The following NALCN variants were observed in gnomAD, a reference collection of about 807,000 sequenced individuals.
NALCN encodes the protein sodium leak channel NALCN.
In NALCN, 111 loss-of-function variants were observed where a neutral mutation model predicts 225.3. The observed-to-expected ratio is 0.49, with a 90% CI of 0.42 to 0.58. NALCN has a LOEUF of 0.58. NALCN is among the 20% of genes least tolerant of loss of function. The probability of loss-of-function intolerance (pLI) is 0.00; values close to 1 mark genes in which losing one functional copy is unlikely to be tolerated. For synonymous variants in NALCN, 764 were observed against 769.0 expected, an observed-to-expected ratio of 0.99 and a Z score of 0.11; for missense variants, 1,378 against 2,202.4, an observed-to-expected ratio of 0.63 and a Z score of 7.49.
At chr13:101,241,617 A>G (rs1390885012) in intron 11 of NALCN, among the ~76,000 whole-genome samples, 1 of 151,938 alleles carries the variant, frequency 6.6e-6, no homozygotes, top group Non-Finnish European at 1.5e-5. Flanking sequence ...TAATTTTTGT[A>G]TGTTTAGTAG....
chr13:101,063,294 A>C (rs886971168), intron 40 of NALCN, among the ~76,000 whole-genome samples: 1 of 152,208 alleles, frequency 6.6e-6, no homozygotes, highest in African/African-American at 2.4e-5. Flanking sequence ...GAGGGAAAAA[A>C]AATGAATTTT....
chr13:101,249,657 G>T (rs1303368914), intron 11 of NALCN, among the ~76,000 whole-genome samples: 2 of 152,092 alleles, frequency 1.3e-5, no homozygotes, highest in African/African-American at 2.4e-5. Context: ...AGGAAAGTCT[G>T]TGTAGTCAGC....
chr13:101,254,885 T>G (rs56086610), intron 11 of NALCN, among the ~76,000 whole-genome samples: 1 of 54,150 alleles, frequency 1.8e-5, no homozygotes. Context: ...AGCGAGACTC[T>G]GTCTCAAAAA....
intron 37 of NALCN, among the ~76,000 whole-genome samples, chr13:101,069,229 T>C (rs2032662637): frequency 6.6e-6 from 1 of 152,378 alleles, no homozygotes; most frequent in South Asian, 2.1e-4. Flanking sequence ...ATATAGACTC[T>C]ACAGGTATAC....
intron 14 of NALCN, among the ~76,000 whole-genome samples, chr13:101,183,338 G>A (rs529234200): frequency 6.6e-6 from 1 of 152,314 alleles, no homozygotes; most frequent in South Asian, 2.1e-4. Context: ...TTAAATCACA[G>A]GAGTGTCATC....
At chr13:101,300,371 C>T (rs1380712184) in intron 7 of NALCN, among the ~76,000 whole-genome samples, 1 of 125,006 alleles carries the variant, frequency 8.0e-6, no homozygotes, top group African/African-American at 3.3e-5. Flanking sequence ...TCTTTCTTTC[C>T]TTCCTTCCTT....
rs1399879116 is a variant in NALCN at position 101,082,792 on chromosome 13, C to G, written c.3765+17G>C. 2.5e-6 allele frequency: 4 copies of G among 1,613,598 alleles called. No individual in the cohort carries two copies. Among genetic ancestry groups the G allele is most frequent in the Admixed American group, 1.7e-5 (1 of 60,000 alleles). On this transcript the variant is annotated intron_variant, in intron 33 of 43. Coordinates refer to ENST00000251127, the MANE Select transcript of NALCN (RefSeq NM_052867.4). Reference sequence around the variant, plus strand: ...TGTGCACAGATTCCCCCAGAGCTAGCTGACTCATTACAGTACCTCCAGAAC... The same window carrying G: ...TGTGCACAGATTCCCCCAGAGCTAGGTGACTCATTACAGTACCTCCAGAAC...
intron 9 of NALCN, among the ~76,000 whole-genome samples, chr13:101,289,569 A>G (rs2043474281): frequency 1.4e-5 from 2 of 145,084 alleles, no homozygotes; most frequent in Non-Finnish European, 3.1e-5. Context: ...TTCTATACAC[A>G]TGGCTGTTAT....
chr13:101,376,415 G>A (rs186597864), intron 6 of NALCN, among the ~76,000 whole-genome samples: 131 of 152,222 alleles, frequency 8.6e-4, no homozygotes, highest in African/African-American at 3.0e-3. Flanking sequence ...TACTTGGCAG[G>A]CTGAGGAAGG....
chr13:101,330,703 C>T (rs958197233), intron 7 of NALCN, among the ~76,000 whole-genome samples: 3 of 152,180 alleles, frequency 2.0e-5, no homozygotes, highest in African/African-American at 7.2e-5. Context: ...AATTGTAGCT[C>T]CCATAATAAT....
chr13:101,216,013 A>C (rs903666173), intron 13 of NALCN, among the ~76,000 whole-genome samples: 1 of 152,082 alleles, frequency 6.6e-6, no homozygotes, highest in African/African-American at 2.4e-5. Flanking sequence ...CCAGTATCGA[A>C]GGGTAGGGGA....
intron 10 of NALCN, 125 bp downstream of exon 10, chr13:101,283,808 C>A: frequency 2.8e-6 from 2 of 722,480 alleles, no homozygotes; most frequent in Non-Finnish European, 4.2e-6. Context: ...AGTGAAATAC[C>A]ATCTCTAACT....
At chr13:101,200,733 T>C (rs2040085252) in intron 13 of NALCN, among the ~76,000 whole-genome samples, 1 of 152,150 alleles carries the variant, frequency 6.6e-6, no homozygotes, top group Non-Finnish European at 1.5e-5. Flanking sequence ...AACCCATTTC[T>C]GACCCTAAAT....
At chr13:101,166,788 T>C (rs1253730634) in intron 15 of NALCN, among the ~76,000 whole-genome samples, 2 of 152,218 alleles carry the variant, frequency 1.3e-5, no homozygotes, top group South Asian at 2.1e-4. Context: ...CAATAAATCA[T>C]TGACAATTCC....
intron 7 of NALCN, among the ~76,000 whole-genome samples, chr13:101,296,731 T>C (rs564305279): frequency 6.6e-6 from 1 of 152,330 alleles, no homozygotes; most frequent in East Asian, 1.9e-4. Flanking sequence ...TGGAGAGCTC[T>C]TGGAATAGCA....
At chr13:101,392,023 AAAAAAT>A (rs1246942550) in intron 3 of NALCN, among the ~76,000 whole-genome samples, 1 of 151,588 alleles carries the variant, frequency 6.6e-6, no homozygotes, top group Non-Finnish European at 1.5e-5. Context: ...AACAAAAAAT[AAAAAAT>A]AAAAATAAAA....
At chr13:101,360,189 C>CTCT (rs2046204054) in intron 6 of NALCN, among the ~76,000 whole-genome samples, 21 of 89,318 alleles carry the variant, frequency 2.4e-4, no homozygotes, top group Non-Finnish European at 3.2e-4. Context: ...TTCCTCTCTT[C>CTCT]CTCTCTCTCT....
intron 15 of NALCN, among the ~76,000 whole-genome samples, chr13:101,160,517 G>T (rs943715393): frequency 4.6e-5 from 7 of 152,188 alleles, no homozygotes; most frequent in Non-Finnish European, 8.8e-5. Context: ...GGAGGAGCTG[G>T]ATTATCTCAG....
At chr13:101,077,053 ATAGTTTTATAAGGGGC>A (rs1353337552) in intron 34 of NALCN, among the ~76,000 whole-genome samples, 1 of 146,826 alleles carries the variant, frequency 6.8e-6, no homozygotes, top group Non-Finnish European at 1.5e-5. Flanking sequence ...ACCAGGTCTG[ATAGTTTTATAAGGGGC>A]TTCCCCTTTC....
Sources: allele counts gnomAD v4.1 joint callset (sites outside exome capture counted in the v4.1 genomes callset), GRCh38; gene constraint gnomAD v4.1.1; transcripts MANE v1.5; gene names NCBI Gene and HGNC (gene_info 2026-07-23, HGNC 2026-07-21).